The following RBBP8 variants were observed in gnomAD, a reference collection of about 807,000 sequenced individuals.
RBBP8 encodes RB binding protein 8, endonuclease.
Under a neutral mutation model 108.3 loss-of-function variants are expected in RBBP8, and 88 were observed. The ratio of observed to expected loss-of-function variants is 0.81; its 90% CI spans 0.68 to 0.97. The LOEUF (loss-of-function observed/expected upper bound fraction) is 0.97, where lower values mean the gene tolerates loss of function less well. Among genes scored for constraint, RBBP8 ranks in the 50% least tolerant of loss-of-function variants. The pLI is 0.00. For synonymous variants in RBBP8, 332 were observed against 348.2 expected (o/e 0.95, Z 0.52); for missense variants, 1,023 against 1,049.0 (o/e 0.98, Z 0.34).
intron 16 of RBBP8, among the ~76,000 whole-genome samples, chr18:23,007,500 T>C (rs1816190406): frequency 6.6e-6 from 1 of 151,124 alleles, no homozygotes; most frequent in African/African-American, 2.4e-5. Context: ...GTCAGGAAAT[T>C]GAGACCATCC....
chr18:22,981,943 CTG>C (rs1275036299), intron 6 of RBBP8, among the ~76,000 whole-genome samples: 1 of 152,216 alleles, frequency 6.6e-6, no homozygotes, highest in African/African-American at 2.4e-5. Flanking sequence ...TTTCCTCAGA[CTG>C]TGGGTTCTCT....
chr18:22,982,688 G>A (rs1413589173), intron 7 of RBBP8, among the ~76,000 whole-genome samples: 1 of 151,972 alleles, frequency 6.6e-6, no homozygotes, highest in Non-Finnish European at 1.5e-5. Flanking sequence ...TATCCAAGTG[G>A]GATAGAAGGA....
At chr18:22,987,348 CCCTT>C (rs1445880465) in intron 8 of RBBP8, among the ~76,000 whole-genome samples, 1 of 152,140 alleles carries the variant, frequency 6.6e-6, no homozygotes, top group African/African-American at 2.4e-5. Context: ...CATTCACAAA[CCCTT>C]TCTTACTCCT....
chr18:22,975,397 A>G (rs1298668026), intron 6 of RBBP8, among the ~76,000 whole-genome samples, 178 bp downstream of exon 6: 1 of 152,132 alleles, frequency 6.6e-6, no homozygotes, highest in Non-Finnish European at 1.5e-5. Context: ...CATCTCTTAG[A>G]TTAGTGCTTG....
intron 12 of RBBP8, among the ~76,000 whole-genome samples, chr18:22,995,249 T>C (rs1267634507): frequency 6.9e-6 from 1 of 144,102 alleles, no homozygotes; most frequent in Non-Finnish European, 1.5e-5. Flanking sequence ...TTTGAGCTTT[T>C]TGTTTTTATT....
At chr18:22,994,051 C>T (rs1358205816) in intron 12 of RBBP8, among the ~76,000 whole-genome samples, 4 of 109,056 alleles carry the variant, frequency 3.7e-5, no homozygotes, top group Admixed American at 1.5e-4. Flanking sequence ...GACGGAGTCT[C>T]GCTCTGTCGC....
chr18:22,967,175 G>T (rs1164744574), intron 4 of RBBP8, among the ~76,000 whole-genome samples: 2 of 152,068 alleles, frequency 1.3e-5, no homozygotes, highest in Admixed American at 1.3e-4. Context: ...GACCATCCTG[G>T]CTAACTCAGT....
At position 22,960,192 on chromosome 18, in the gene RBBP8, C is replaced by T. The variant is rs570267427; in HGVS notation, c.249-8614C>T. Among the ~76,000 whole-genome samples, 8 of 152,092 alleles carry T rather than the reference C, an allele frequency of 5.3e-5. 1 individual carries two copies. The highest frequency in any genetic ancestry group is 4.6e-4 in the Admixed American group (7 of 15,274). On this transcript the variant is annotated intron_variant, in intron 4 of 18. Coordinates refer to ENST00000327155, the MANE Select transcript of RBBP8 (RefSeq NM_002894.3). ...ACAGGCATGAGCCACCACACCTGGC[C>T]GAACTTTACTATTTTTTAAAAAACA... is the stretch of plus-strand genomic sequence containing the variant.
intron 3 of RBBP8, among the ~76,000 whole-genome samples, chr18:22,948,237 G>A (rs1006096957): frequency 5.8e-4 from 88 of 152,064 alleles, no homozygotes; most frequent in African/African-American, 2.1e-3. Flanking sequence ...CATGTTGGCA[G>A]TCTGTTTTAG....
chr18:22,964,712 C>T (rs1008278649), intron 4 of RBBP8, among the ~76,000 whole-genome samples: 3 of 151,420 alleles, frequency 2.0e-5, no homozygotes, highest in African/African-American at 7.3e-5. Flanking sequence ...TGCTGGTCTT[C>T]ATCTGGCCTC....
At chr18:23,020,427 A>G (rs2046330249) in intron 17 of RBBP8, among the ~76,000 whole-genome samples, 2 of 151,878 alleles carry the variant, frequency 1.3e-5, no homozygotes, top group Admixed American at 1.3e-4. Flanking sequence ...ATCTCAATAA[A>G]TAAATAAATA....
intron 3 of RBBP8, among the ~76,000 whole-genome samples, chr18:22,922,771 T>C (rs1909645971): frequency 6.6e-6 from 1 of 152,170 alleles, no homozygotes; most frequent in Non-Finnish European, 1.5e-5. Flanking sequence ...GGCCAATAAA[T>C]AATTTCTTAT....
At chr18:23,001,462 T>C (rs2144743206) in intron 14 of RBBP8, 124 bp from the exon 15 acceptor site, 2 of 1,095,424 alleles carry the variant, frequency 1.8e-6, no homozygotes, top group Non-Finnish European at 2.8e-6. Flanking sequence ...TTAACAACCG[T>C]ATTTTAAGAA....
chr18:22,936,268 A>T (rs963307403), intron 1 of RBBP8, among the ~76,000 whole-genome samples: 1 of 151,810 alleles, frequency 6.6e-6, no homozygotes, highest in Non-Finnish European at 1.5e-5. Context: ...CACCTGGCAA[A>T]TTTTTGTATT....
intron 4 of RBBP8, among the ~76,000 whole-genome samples, chr18:22,956,778 A>G (rs1384227034): frequency 6.6e-6 from 1 of 152,166 alleles, no homozygotes; most frequent in Non-Finnish European, 1.5e-5. Flanking sequence ...AAAAAGTTCT[A>G]AGTTCTAATT....
intron 12 of RBBP8, among the ~76,000 whole-genome samples, chr18:22,995,826 A>C (rs1344291570): frequency 6.6e-6 from 1 of 152,104 alleles, no homozygotes. Context: ...CTTTTTTGCT[A>C]TTATGAACAA....
At chr18:23,024,061 T>TG (rs1177085552) in intron 18 of RBBP8, among the ~76,000 whole-genome samples, 2 of 146,194 alleles carry the variant, frequency 1.4e-5, no homozygotes, top group Non-Finnish European at 3.0e-5. Context: ...TTTTTTTTTT[T>TG]TCTAGTAGAG....
intron 3 of RBBP8, among the ~76,000 whole-genome samples, chr18:22,924,379 G>A (rs1330508366): frequency 2.0e-5 from 3 of 151,916 alleles, no homozygotes; most frequent in East Asian, 3.9e-4. Context: ...TGCCTGCCTC[G>A]GCCTCCCAAA....
At chr18:23,022,641 T>TAAAATAAAATAAAA (rs1568010219) in intron 18 of RBBP8, among the ~76,000 whole-genome samples, 2 of 46,240 alleles carry the variant, frequency 4.3e-5, no homozygotes, top group Admixed American at 1.9e-4. Context: ...ATAAAATAAA[T>TAAAATAAAATAAAA]AAAATACAAT....
Sources: gnomAD v4.1 joint callset for allele counts (sites outside exome capture counted in the v4.1 genomes callset) on GRCh38, gnomAD v4.1.1 for gene constraint, MANE v1.5 for transcripts, NCBI Gene and HGNC (gene_info 2026-07-23, HGNC 2026-07-21) for gene names.